The following ERG variants were observed in gnomAD, a reference collection of about 807,000 sequenced individuals.
ERG encodes the protein transcriptional regulator ERG.
Under a neutral mutation model 55.3 loss-of-function variants are expected in ERG, and 9 were observed. That is an observed-to-expected ratio of 0.16 (90% CI 0.10 to 0.28). The LOEUF is 0.28. Ranked by LOEUF, ERG falls within the 10% of genes least tolerant of loss-of-function variation. ERG has a pLI of 1.00. For synonymous variants in ERG, 223 were observed against 237.3 expected (o/e 0.94, Z 0.55); for missense variants, 434 against 631.6 (o/e 0.69, Z 3.35).
At chr21:38,611,943 G>A (rs2060229892) in intron 1 of ERG, among the ~76,000 whole-genome samples, 1 of 152,140 alleles carries the variant, frequency 6.6e-6, no homozygotes, top group Admixed American at 6.5e-5. Flanking sequence ...AAAAGCGGGG[G>A]GTTCATGTGA....
At chr21:38,603,887 G>T (rs2060179939) in intron 1 of ERG, among the ~76,000 whole-genome samples, 1 of 151,904 alleles carries the variant, frequency 6.6e-6, no homozygotes, top group Non-Finnish European at 1.5e-5. Flanking sequence ...TGAAATTAGA[G>T]AATAGAGGTT....
At chr21:38,535,855 A>C (rs1218377801) in intron 2 of ERG, among the ~76,000 whole-genome samples, 1 of 152,186 alleles carries the variant, frequency 6.6e-6, no homozygotes, top group Non-Finnish European at 1.5e-5. Flanking sequence ...TACAGATAAA[A>C]CGCTATGGGA....
intron 1 of ERG, among the ~76,000 whole-genome samples, chr21:38,636,434 G>A (rs2060389258): frequency 6.6e-6 from 1 of 152,128 alleles, no homozygotes; most frequent in African/African-American, 2.4e-5. Flanking sequence ...TTCACCCTCT[G>A]GGGGAAGGGC....
chr21:38,642,783 G>A (rs1185792977), intron 1 of ERG, among the ~76,000 whole-genome samples: 2 of 152,210 alleles, frequency 1.3e-5, no homozygotes, highest in Non-Finnish European at 2.9e-5. Context: ...AAGGTATTGG[G>A]TCACTGAAGG....
intron 1 of ERG, among the ~76,000 whole-genome samples, chr21:38,477,295 C>T (rs1008845650): frequency 7.2e-5 from 11 of 152,118 alleles, no homozygotes; most frequent in East Asian, 5.8e-4. Flanking sequence ...TGAGTCACTG[C>T]GCCTGGACTT....
Position 38,381,833 on chromosome 21 carries a change from A to C in ERG, c.*1570T>G. ...TGTTCCAAAAGGGGCTAGAAATAAAAGACAGGAGGGGAGGCAAGAAGGACC... is the reference window on the plus strand; with the variant it reads ...TGTTCCAAAAGGGGCTAGAAATAAACGACAGGAGGGGAGGCAAGAAGGACC... On this transcript the variant is annotated 3_prime_UTR_variant, in exon 10 of 10. Transcript: ENST00000288319. 9.4e-7 allele frequency: 1 copy of C among 1,063,696 alleles called. No homozygotes were observed. The highest frequency in any genetic ancestry group is 5.0e-5 in the East Asian group (1 of 19,880). The allele number at this position is 1,063,696 out of a possible 1,614,324, so 65.9% of individuals were successfully genotyped here. A position where few individuals can be genotyped will look rare whatever the true frequency, so the allele number is the denominator to read the frequency against.
At chr21:38,507,684 G>A (rs1601157651) in intron 2 of ERG, among the ~76,000 whole-genome samples, 1 of 152,310 alleles carries the variant, frequency 6.6e-6, no homozygotes, top group South Asian at 2.1e-4. Flanking sequence ...TGGGATGGGT[G>A]AGGTTCTCTC....
chr21:38,625,582 A>G (rs998401999), intron 1 of ERG, among the ~76,000 whole-genome samples: 4 of 152,106 alleles, frequency 2.6e-5, no homozygotes, highest in Non-Finnish European at 5.9e-5. Flanking sequence ...AGCGAGCCTT[A>G]AATTGCAGGA....
At chr21:38,588,019 T>C (rs2060076919), upstream of ERG, among the ~76,000 whole-genome samples, 1 of 152,218 alleles carries the variant, frequency 6.6e-6, no homozygotes, top group African/African-American at 2.4e-5. Context: ...TGAGAGCATT[T>C]ACCTGACAAC....
chr21:38,626,867 C>T, intron 1 of ERG, among the ~76,000 whole-genome samples: 1 of 151,936 alleles, frequency 6.6e-6, no homozygotes, highest in Admixed American at 6.6e-5. Context: ...AAGAAGTTGA[C>T]ATTGAAGAAA....
chr21:38,579,808 C>A (rs934552501), intron 1 of ERG, among the ~76,000 whole-genome samples: 1 of 149,026 alleles, frequency 6.7e-6, no homozygotes, highest in African/African-American at 2.5e-5. Context: ...CTCCTCAACC[C>A]ACACGGATCT....
intron 2 of ERG, among the ~76,000 whole-genome samples, chr21:38,425,818 G>A (rs561322917): frequency 6.6e-5 from 10 of 152,294 alleles, no homozygotes; most frequent in African/African-American, 2.4e-4. Flanking sequence ...AGTCTAAGGA[G>A]GTCAAAACCA....
intron 2 of ERG, among the ~76,000 whole-genome samples, chr21:38,513,547 T>A (rs1241044077): frequency 6.6e-6 from 1 of 152,208 alleles, no homozygotes; most frequent in South Asian, 2.1e-4. Flanking sequence ...ACACGTAATA[T>A]AAAATCCTTC....
At chr21:38,558,979 A>G (rs2059875515) in intron 2 of ERG, among the ~76,000 whole-genome samples, 1 of 152,226 alleles carries the variant, frequency 6.6e-6, no homozygotes, top group Admixed American at 6.5e-5. Flanking sequence ...AATAGCAAGA[A>G]AGGAGAGGGG....
chr21:38,449,820 T>C (rs565697431), intron 1 of ERG, among the ~76,000 whole-genome samples: 2 of 152,326 alleles, frequency 1.3e-5, no homozygotes, highest in East Asian at 3.9e-4. Flanking sequence ...ACTTAACCTC[T>C]TTTGAAAATT....
chr21:38,467,470 GC>G (rs1466116520), intron 1 of ERG, among the ~76,000 whole-genome samples: 3 of 152,164 alleles, frequency 2.0e-5, no homozygotes, highest in Non-Finnish European at 4.4e-5. Context: ...GTGTGGTGGG[GC>G]TAGGTGCTTC....
intron 2 of ERG, among the ~76,000 whole-genome samples, chr21:38,509,318 A>G (rs1452388929): frequency 6.6e-6 from 1 of 152,232 alleles, no homozygotes; most frequent in African/African-American, 2.4e-5. Flanking sequence ...ATCAATCTTG[A>G]TTGGCATTGC....
chr21:38,658,341 C>T (rs2060531757), intron 1 of ERG, among the ~76,000 whole-genome samples: 1 of 152,200 alleles, frequency 6.6e-6, no homozygotes, highest in Non-Finnish European at 1.5e-5. Flanking sequence ...GTAGGTGGCT[C>T]TGTGTCGACA....
chr21:38,551,436 C>T (rs2059823731), intron 2 of ERG, among the ~76,000 whole-genome samples: 1 of 152,078 alleles, frequency 6.6e-6, no homozygotes, highest in African/African-American at 2.4e-5. Flanking sequence ...CCAGGTGTGA[C>T]ATTAGGCTGT....
Sources: allele counts gnomAD v4.1 joint callset (sites outside exome capture counted in the v4.1 genomes callset), GRCh38; gene constraint gnomAD v4.1.1; transcripts MANE v1.5; gene names NCBI Gene and HGNC (gene_info 2026-07-23, HGNC 2026-07-21).